Variants in ZNF25 observed in about 807,000 individuals in gnomAD.
The protein encoded by ZNF25 is zinc finger protein 25, also known as zinc finger protein 25 (KOX 19).
Under a neutral mutation model 30.9 loss-of-function variants are expected in ZNF25, and 21 were observed. The observed-to-expected ratio is 0.68, with a 90% CI of 0.48 to 0.98. The LOEUF (loss-of-function observed/expected upper bound fraction) is 0.98, where lower values mean the gene tolerates loss of function less well. ZNF25 is among the 50% of genes least tolerant of loss of function. The pLI is 0.00. For missense variants in ZNF25, 501 were observed against 529.9 expected, an observed-to-expected ratio of 0.95 and a Z score of 0.54; for synonymous variants, 169 against 181.3, an observed-to-expected ratio of 0.93 and a Z score of 0.55.
Position 37,952,600 on chromosome 10 carries a change from G to A in ZNF25, c.898C>T (p.His300Tyr). 1 of 1,612,666 alleles carries A rather than the reference G, an allele frequency of 6.2e-7. No individual in the cohort carries two copies. Among genetic ancestry groups the A allele is most frequent in the Admixed American group, 1.7e-5 (1 of 59,876 alleles). ...TGACTTCTCTGATGAGTTTTGAGGT[G>A]TGAATTCCTAGAGAAGAATTTCCCA... is the stretch of plus-strand genomic sequence containing the variant. ...ECGKFFSRNS[H>Y]LKTHQRSHTG... The change falls in exon 6 of 6, where the codon CAC becomes TAC. Residue 300 changes from histidine to tyrosine, a missense_variant. Coordinates refer to ENST00000302609, the MANE Select transcript of ZNF25 (RefSeq NM_145011.4).
At chr10:37,965,276 G>A (rs138143714) in intron 2 of ZNF25, among the ~76,000 whole-genome samples, 1,683 of 152,202 alleles carry the variant, frequency 0.011, 36 homozygotes, top group African/African-American at 0.038. Context: ...CCTCCACACA[G>A]AGCCCCCACT....
intron 2 of ZNF25, among the ~76,000 whole-genome samples, chr10:37,964,438 G>A (rs2063071835): frequency 6.6e-6 from 1 of 152,192 alleles, no homozygotes; most frequent in South Asian, 2.1e-4. Context: ...CATGGACAGT[G>A]AAGGCTAAGC....
At position 37,951,483 on chromosome 10, in the gene ZNF25, T is replaced by C. The variant is rs2062140933; in HGVS notation, c.*644A>G. The C allele has an allele frequency of 6.6e-6, 1 of 152,346 alleles. No homozygotes were observed. Among genetic ancestry groups the C allele is most frequent in the East Asian group, 1.9e-4 (1 of 5,188 alleles). The allele number at this position is 152,346 out of a possible 1,614,324, so 9.4% of individuals were successfully genotyped here. ...GACATTTGCAGGTTTCCTTTTAAAA[T>C]AGAGCAATCTCGGCATCAGATCTGC... On this transcript the variant is annotated 3_prime_UTR_variant, in exon 6 of 6. Coordinates refer to ENST00000302609, the MANE Select transcript of ZNF25 (RefSeq NM_145011.4).
chr10:37,960,109 G>C (rs907756317), intron 2 of ZNF25, among the ~76,000 whole-genome samples: 1 of 151,998 alleles, frequency 6.6e-6, no homozygotes, highest in African/African-American at 2.4e-5. Flanking sequence ...TTATTGTGTG[G>C]CAACCAGGAA....
At chr10:37,956,741 A>G (rs1260415436) in intron 4 of ZNF25, among the ~76,000 whole-genome samples, 1 of 151,634 alleles carries the variant, frequency 6.6e-6, no homozygotes, top group East Asian at 1.9e-4. Context: ...ACATGGAGAA[A>G]CCCCATCTCT....
At chr10:37,960,124 G>A (rs1485698906) in intron 2 of ZNF25, among the ~76,000 whole-genome samples, 1 of 152,062 alleles carries the variant, frequency 6.6e-6, no homozygotes, top group African/African-American at 2.4e-5. Context: ...CAGGAAGTCT[G>A]TAAATGAAAA....
chr10:37,956,961 G>T, intron 4 of ZNF25, 59 bp downstream of exon 4: 4 of 1,111,984 alleles, frequency 3.6e-6, no homozygotes, highest in African/African-American at 1.6e-5. Context: ...AAGTACTTCA[G>T]AAGGCAAGAG....
Position 37,971,164 on chromosome 10 carries a change from A to C in ZNF25, c.15+544T>G, listed in dbSNP as rs371316945. ...ACCCCTTCTCTACTAAAAATACAAAAAATTAGCTGGGCATGGTGGCAGGTG... is the reference window on the plus strand; with the variant it reads ...ACCCCTTCTCTACTAAAAATACAAACAATTAGCTGGGCATGGTGGCAGGTG... On this transcript the variant is annotated intron_variant, in intron 2 of 5. Transcript: ENST00000302609. Among the ~76,000 whole-genome samples the C allele has an allele frequency of 9.7e-4, 147 of 152,120 alleles. 3 individuals carry two copies. In the East Asian group the frequency reaches 0.026, roughly 27 times the overall value.
At chr10:37,958,027 G>T (rs976267379) in intron 2 of ZNF25, among the ~76,000 whole-genome samples, 1 of 152,142 alleles carries the variant, frequency 6.6e-6, no homozygotes, top group African/African-American at 2.4e-5. Context: ...ATCTAGGCTT[G>T]TGTAAGGACA....
chr10:37,961,724 C>G (rs2062885575), intron 2 of ZNF25, among the ~76,000 whole-genome samples: 1 of 148,934 alleles, frequency 6.7e-6, no homozygotes, highest in African/African-American at 2.5e-5. Context: ...GAGTTCGAGA[C>G]CAGCCTGACC....
intron 3 of ZNF25, 139 bp from the exon 4 acceptor site, chr10:37,957,254 G>C (rs985436473): frequency 4.0e-6 from 5 of 1,243,414 alleles, no homozygotes; most frequent in Non-Finnish European, 5.6e-6. Context: ...AGCGGGGAGA[G>C]AGGGACACAA....
At position 37,953,098 on chromosome 10, in the gene ZNF25, T is replaced by C. The variant is rs768082517; in HGVS notation, c.400A>G (p.Ile134Val). Residue 134 changes from isoleucine (I) to valine (V), a missense_variant, in exon 6 of 6, where the codon ATA becomes GTA. Transcript: ENST00000302609. ...TTTGAGTGAGTATGCTGATGTACTA[T>C]GAGGGCAGACTTCTGGCAGAAGAAC... The part of the protein sequence containing the change: ...GKFFCQKSAL[I>V]VHQHTHSKGK... 1.2e-6 allele frequency: 2 copies of C among 1,613,936 alleles called. No homozygotes were observed. Among genetic ancestry groups the C allele is most frequent in the Non-Finnish European group, 1.7e-6 (2 of 1,179,966 alleles).
chr10:37,952,527 TAGA>T lies in ZNF25; in HGVS notation c.968_970del (p.Phe323del), dbSNP rs778274243. On this transcript the variant is annotated inframe_deletion, in exon 6 of 6. Coordinates refer to ENST00000302609, the MANE Select transcript of ZNF25 (RefSeq NM_145011.4). ...ATGTACTGTGAGGGCTGACTTCTGG[TAGA>T]AGCATTTCCTACATTCCTTACATTC... The T allele has an allele frequency of 1.2e-6, 2 of 1,613,590 alleles. No homozygotes were observed. The highest frequency in any genetic ancestry group is 2.2e-5 in the South Asian group (2 of 91,046).
At chr10:37,969,808 A>G (rs763240110) in intron 2 of ZNF25, among the ~76,000 whole-genome samples, 6 of 152,230 alleles carry the variant, frequency 3.9e-5, no homozygotes, top group Non-Finnish European at 7.3e-5. Flanking sequence ...CTTTGAACAA[A>G]GACAACTTCA....
At chr10:37,958,946 A>G (rs1317686219) in intron 2 of ZNF25, among the ~76,000 whole-genome samples, 1 of 152,158 alleles carries the variant, frequency 6.6e-6, no homozygotes, top group Admixed American at 6.5e-5. Context: ...ATACTCAGGA[A>G]GCTGAGCCAA....
rs534855742 is a variant in ZNF25, at chr10:37,953,188, C to T, written c.310G>A (p.Glu104Lys). The T allele has an allele frequency of 8.2e-6, 13 of 1,579,048 alleles. No homozygotes were observed. The Admixed American group carries it at 1.6e-4, about 19-fold the overall frequency. Residue 104 changes from glutamate to lysine, a missense_variant, in exon 6 of 6, where the codon GAA (glutamate) becomes AAA (lysine). Glu to Lys is a moderately conservative substitution (Grantham distance 56, BLOSUM62 1). Coordinates refer to ENST00000302609, the MANE Select transcript of ZNF25 (RefSeq NM_145011.4). ...ESQAGNSRNG[E>K]LTKHQKTHTT... ...TGAGTTTTCTGATGTTTTGTGAGTT[C>T]TCCATTCCTAGACAGAAAGTTCCAC...
intron 2 of ZNF25, among the ~76,000 whole-genome samples, chr10:37,960,334 G>A (rs942282361): frequency 5.9e-5 from 9 of 151,880 alleles, no homozygotes; most frequent in Non-Finnish European, 1.2e-4. Context: ...AGCTGTGGGG[G>A]CCGGGTGTGG....
At chr10:37,971,834 T>C (rs1307611625) in intron 1 of ZNF25, 27 bp from the exon 2 acceptor site, 5 of 1,432,498 alleles carry the variant, frequency 3.5e-6, no homozygotes, top group African/African-American at 1.4e-5. Flanking sequence ...TACAACATTT[T>C]AGTAAAATAT....
At chr10:37,961,075 C>A (rs1452317933) in intron 2 of ZNF25, among the ~76,000 whole-genome samples, 1 of 152,032 alleles carries the variant, frequency 6.6e-6, no homozygotes. Flanking sequence ...AAAACAACAA[C>A]AACAAAAACC....
Sources: allele counts gnomAD v4.1 joint callset (sites outside exome capture counted in the v4.1 genomes callset), GRCh38; gene constraint gnomAD v4.1.1; transcripts MANE v1.5; gene names NCBI Gene and HGNC (gene_info 2026-07-23, HGNC 2026-07-21).